PRKN: variants seen among roughly 807,000 people sequenced by gnomAD.
The protein encoded by PRKN is parkin RBR E3 ubiquitin protein ligase, also known as E3 ubiquitin-protein ligase parkin.
PRKN carries 56 observed loss-of-function variants against 59.5 expected under a neutral mutation model. That is an observed-to-expected ratio of 0.94 (90% CI 0.76 to 1.18). The LOEUF (loss-of-function observed/expected upper bound fraction) is 1.18, where lower values mean the gene tolerates loss of function less well. Ranked by LOEUF, PRKN falls within the 50% of genes most tolerant of loss-of-function variation. The pLI is 0.00. For synonymous variants in PRKN, 250 were observed against 222.1 expected, an observed-to-expected ratio of 1.13 and a Z score of -1.12; for missense variants, 657 against 596.4, an observed-to-expected ratio of 1.10 and a Z score of -1.06.
chr6:162,158,279 A>G (rs182104355), intron 4 of PRKN, among the ~76,000 whole-genome samples: 2 of 152,156 alleles, frequency 1.3e-5, no homozygotes, highest in Admixed American at 1.3e-4. Flanking sequence ...AGGAAATGTT[A>G]CACGCTGAGC....
chr6:161,633,615 G>A (rs1000668943), intron 7 of PRKN, among the ~76,000 whole-genome samples: 1 of 152,242 alleles, frequency 6.6e-6, no homozygotes, highest in Non-Finnish European at 1.5e-5. Flanking sequence ...AGCTGGCACA[G>A]TTAAAAGAAA....
intron 3 of PRKN, among the ~76,000 whole-genome samples, chr6:162,210,107 A>C (rs12198894): frequency 6.9e-6 from 1 of 144,162 alleles, no homozygotes; most frequent in Non-Finnish European, 1.5e-5. Flanking sequence ...TATAATAATA[A>C]AAAATAAAAT....
chr6:161,929,347 C>A (rs1305856370), intron 6 of PRKN, among the ~76,000 whole-genome samples: 1 of 151,978 alleles, frequency 6.6e-6, no homozygotes, highest in African/African-American at 2.4e-5. Flanking sequence ...TTGCCAGAGG[C>A]TGGGAAGACA....
chr6:162,046,288 T>C (rs1784246959), intron 5 of PRKN, among the ~76,000 whole-genome samples: 1 of 152,236 alleles, frequency 6.6e-6, no homozygotes, highest in Admixed American at 6.5e-5. Flanking sequence ...TAAACCGGTA[T>C]AAAATTCCTC....
Position 161,720,937 on chromosome 6 carries a change from G to A in PRKN, c.871+64835C>T, listed in dbSNP as rs538191211. ...ATTTCAGAAGTATGCATTACTTCCC[G>A]TTCATAATGCAGACAGACTGTTTTT... On this transcript the variant is annotated intron_variant, in intron 7 of 11. Coordinates refer to ENST00000366898, the MANE Select transcript of PRKN (RefSeq NM_004562.3). Among the ~76,000 whole-genome samples the A allele has an allele frequency of 1.2e-4, 18 of 152,224 alleles. No individual in the cohort carries two copies. In the East Asian group the frequency reaches 2.5e-3, roughly 21 times the overall value.
chr6:162,240,292 CA>C (rs1304708662), intron 3 of PRKN, among the ~76,000 whole-genome samples: 1 of 152,122 alleles, frequency 6.6e-6, no homozygotes. Flanking sequence ...GAAGACTATG[CA>C]AATGACATCT....
intron 2 of PRKN, among the ~76,000 whole-genome samples, chr6:162,393,459 C>T (rs1259596371): frequency 2.0e-5 from 3 of 151,834 alleles, no homozygotes; most frequent in East Asian, 1.9e-4. Flanking sequence ...CATACCCGGC[C>T]GAGGCTAGGA....
In PRKN at chr6:162,393,446, CA is replaced by C. The variant is rs1355405641; in HGVS notation, c.171+49863del. On this transcript the variant is annotated intron_variant, in intron 2 of 11. Transcript: ENST00000366898. ...AAGTGCTGGGATTACAGGCCTGAGC[CA>C]CCATACCCGGCCGAGGCTAGGAGAT... Among the ~76,000 whole-genome samples the C allele has an allele frequency of 6.6e-5, 10 of 152,110 alleles. No individual in the cohort carries two copies. In the East Asian group the frequency reaches 1.9e-3, roughly 29 times the overall value.
chr6:162,084,100 A>T (rs1227860286), intron 4 of PRKN, among the ~76,000 whole-genome samples: 1 of 152,146 alleles, frequency 6.6e-6, no homozygotes, highest in Non-Finnish European at 1.5e-5. Context: ...GGTAAAAACT[A>T]TTAAATGCAT....
intron 1 of PRKN, among the ~76,000 whole-genome samples, chr6:162,650,934 G>T (rs1435807090): frequency 6.6e-6 from 1 of 152,142 alleles, no homozygotes; most frequent in Non-Finnish European, 1.5e-5. Flanking sequence ...CCCCAAAATT[G>T]TATTTATGTT....
intron 2 of PRKN, among the ~76,000 whole-genome samples, chr6:162,380,473 GTATATATATGTA>G (rs1786399344): frequency 5.1e-5 from 2 of 38,900 alleles, no homozygotes; most frequent in African/African-American, 1.3e-4. Flanking sequence ...ATATATGTGT[GTATATATATGTA>G]TATATACACA....
intron 6 of PRKN, among the ~76,000 whole-genome samples, chr6:161,928,424 G>C (rs964766209): frequency 6.6e-6 from 1 of 152,136 alleles, no homozygotes; most frequent in Non-Finnish European, 1.5e-5. Context: ...ATGACTCACT[G>C]TGTAGATTAG....
In PRKN at chr6:161,576,978, C is replaced by T. The variant is rs544835706; in HGVS notation, c.872-7562G>A. On this transcript the variant is annotated intron_variant, in intron 7 of 11. Transcript: ENST00000366898. This position sits in a 1 kb window ranked among gnomAD's most constrained non-coding sequence, Gnocchi z 4.6. ...AACAATGTCGATGCACGCAAATATA[C>T]TAAGAATATAAAATAATGCCTGCAA... is the stretch of plus-strand genomic sequence containing the variant. Among the ~76,000 whole-genome samples, 1 of 152,174 alleles carries T rather than the reference C, an allele frequency of 6.6e-6. No individual in the cohort carries two copies. Among genetic ancestry groups the T allele is most frequent in the South Asian group, 2.1e-4 (1 of 4,816 alleles).
intron 9 of PRKN, among the ~76,000 whole-genome samples, chr6:161,493,718 C>T (rs1228892555): frequency 6.6e-6 from 1 of 152,188 alleles, no homozygotes; most frequent in Non-Finnish European, 1.5e-5. Context: ...CATAGAGCAT[C>T]TTAGGGTGAA....
intron 1 of PRKN, among the ~76,000 whole-genome samples, chr6:162,602,572 C>T (rs1781754875): frequency 6.6e-6 from 1 of 152,016 alleles, no homozygotes; most frequent in South Asian, 2.1e-4. Flanking sequence ...CGGTGTGGGA[C>T]AAAGCAGGAA....
chr6:162,310,899 T>C (rs569285535), intron 2 of PRKN, among the ~76,000 whole-genome samples: 1 of 152,208 alleles, frequency 6.6e-6, no homozygotes, highest in African/African-American at 2.4e-5. Flanking sequence ...GCAAATACTT[T>C]GTTAGTGTCC....
At chr6:161,743,183 C>T (rs1173145299) in intron 7 of PRKN, among the ~76,000 whole-genome samples, 2 of 148,270 alleles carry the variant, frequency 1.3e-5, no homozygotes, top group African/African-American at 4.9e-5. Flanking sequence ...CACTCCCAAC[C>T]TCTCCTTGCC....
chr6:161,702,036 T>G (rs1304119539), intron 7 of PRKN, among the ~76,000 whole-genome samples: 1 of 152,220 alleles, frequency 6.6e-6, no homozygotes. Flanking sequence ...CAACAGTTAA[T>G]TCTGGCTTTC....
At chr6:161,743,921 G>A (rs111842424) in intron 7 of PRKN, among the ~76,000 whole-genome samples, 8 of 152,202 alleles carry the variant, frequency 5.3e-5, no homozygotes, top group African/African-American at 1.7e-4. Flanking sequence ...TCAGGGCTGC[G>A]TCTTTGCTAG....
Sources: gnomAD v4.1 joint callset for allele counts (sites outside exome capture counted in the v4.1 genomes callset) on GRCh38, gnomAD v4.1.1 for gene constraint, Gnocchi (gnomAD v3.1) non-coding constraint, MANE v1.5 for transcripts, NCBI Gene and HGNC (gene_info 2026-07-23, HGNC 2026-07-21) for gene names.